Variants in RBFOX1 observed in about 807,000 individuals in gnomAD.
RBFOX1 encodes RNA binding fox-1 homolog 1.
In RBFOX1, 8 loss-of-function variants were observed where a neutral mutation model predicts 57.7. That is an observed-to-expected ratio of 0.14 (90% CI 0.08 to 0.25). The LOEUF is 0.25. Among genes scored for constraint, RBFOX1 ranks in the 10% least tolerant of loss-of-function variants. The pLI is 1.00. For missense variants in RBFOX1, 611 were observed against 548.5 expected (o/e 1.11, Z -1.14); for synonymous variants, 326 against 222.4 (o/e 1.47, Z -4.15).
chr16:7,478,832 GA>G (rs749357781), intron 4 of RBFOX1, among the ~76,000 whole-genome samples: 3 of 152,156 alleles, frequency 2.0e-5, no homozygotes, highest in Non-Finnish European at 4.4e-5. Flanking sequence ...TGAGGATGTA[GA>G]AAACCTCCTT....
At chr16:5,968,746 A>T (rs891124800) in intron 4 of RBFOX1, among the ~76,000 whole-genome samples, 10 of 152,070 alleles carry the variant, frequency 6.6e-5, no homozygotes, top group Non-Finnish European at 1.0e-4. Flanking sequence ...ATTTTTAAAA[A>T]TTTTTAATTT....
intron 3 of RBFOX1, among the ~76,000 whole-genome samples, chr16:5,629,787 C>G (rs1473900701): frequency 6.6e-6 from 1 of 152,200 alleles, no homozygotes; most frequent in Non-Finnish European, 1.5e-5. Flanking sequence ...CAGTTGGAAG[C>G]AACAGAGCCA....
At chr16:6,495,706 C>T (rs1598229450) in intron 2 of RBFOX1, among the ~76,000 whole-genome samples, 1 of 152,188 alleles carries the variant, frequency 6.6e-6, no homozygotes, top group African/African-American at 2.4e-5. Context: ...TTTCACAACC[C>T]TCCCTTGGTT....
In RBFOX1 at chr16:5,386,023, A is replaced by C. The variant is rs2066245818; in HGVS notation, c.220-81193A>C. ...ATGCCTCTTTTAAGCTTCTGCCAAC[A>C]CTTCACGTTGCCTAGGGAAGGGACT... On this transcript the variant is annotated intron_variant, in intron 1 of 2. Transcript: ENST00000585867. Among the ~76,000 whole-genome samples, 4 of 151,864 alleles carry C rather than the reference A, an allele frequency of 2.6e-5. No individual in the cohort carries two copies. The South Asian group carries it at 6.2e-4, about 24-fold the overall frequency.
At chr16:6,663,071 A>T (rs2098711278) in intron 3 of RBFOX1, among the ~76,000 whole-genome samples, 1 of 152,156 alleles carries the variant, frequency 6.6e-6, no homozygotes, top group African/African-American at 2.4e-5. Context: ...TGTGTGCAGG[A>T]GGGAACCAGA....
intron 3 of RBFOX1, among the ~76,000 whole-genome samples, chr16:5,766,116 T>C (rs1334136711): frequency 2.0e-5 from 3 of 152,208 alleles, no homozygotes; most frequent in African/African-American, 7.2e-5. Context: ...TTTTGAAACC[T>C]TCCAGCATTG....
intron 4 of RBFOX1, among the ~76,000 whole-genome samples, chr16:5,879,518 C>T (rs971273726): frequency 1.3e-5 from 2 of 152,160 alleles, no homozygotes; most frequent in East Asian, 1.9e-4. Context: ...TTCGTGGAGA[C>T]AGGGTTTCAC....
chr16:5,473,406 T>A (rs2069205531), intron 2 of RBFOX1, among the ~76,000 whole-genome samples: 1 of 152,088 alleles, frequency 6.6e-6, no homozygotes. Flanking sequence ...CCCTGTTTTT[T>A]TTTCTTTTTT....
intron 4 of RBFOX1, among the ~76,000 whole-genome samples, chr16:5,952,727 T>A (rs2059546335): frequency 1.3e-5 from 2 of 152,308 alleles, no homozygotes; most frequent in South Asian, 2.1e-4. Flanking sequence ...CGGATGGGCA[T>A]CTCTCTGGGG....
intron 4 of RBFOX1, among the ~76,000 whole-genome samples, chr16:5,895,062 C>T (rs1383724441): frequency 2.7e-5 from 4 of 150,864 alleles, no homozygotes; most frequent in South Asian, 4.1e-4. Flanking sequence ...GGGGGTATTA[C>T]ACAAGTACTG....
At chr16:7,099,273 G>T (rs2062236546) in intron 4 of RBFOX1, among the ~76,000 whole-genome samples, 2 of 152,284 alleles carry the variant, frequency 1.3e-5, no homozygotes, top group South Asian at 2.1e-4. Context: ...CACTCTAGCT[G>T]CAGTGGGAAA....
chr16:6,056,665 A>T (rs1333822383), intron 1 of RBFOX1, among the ~76,000 whole-genome samples: 2 of 152,010 alleles, frequency 1.3e-5, no homozygotes, highest in African/African-American at 4.8e-5. Flanking sequence ...CAATGAAGAT[A>T]CTCCTTTAGA....
intron 4 of RBFOX1, among the ~76,000 whole-genome samples, chr16:7,201,061 G>A (rs148655498): frequency 2.0e-5 from 3 of 152,194 alleles, no homozygotes; most frequent in Admixed American, 2.0e-4. Flanking sequence ...TATGAGATCA[G>A]TGTGGGAATC....
intron 4 of RBFOX1, among the ~76,000 whole-genome samples, chr16:7,449,536 G>T (rs930172284): frequency 6.6e-6 from 1 of 152,012 alleles, no homozygotes; most frequent in African/African-American, 2.4e-5. Context: ...GCCCTGTTTT[G>T]TAATTTTGCA....
chr16:6,870,525 G>C (rs1361490572), intron 3 of RBFOX1, among the ~76,000 whole-genome samples: 1 of 152,200 alleles, frequency 6.6e-6, no homozygotes, highest in Non-Finnish European at 1.5e-5. Flanking sequence ...ATAATTGCTA[G>C]TGGAACATAC....
chr16:5,687,891 C>G (rs532639846), intron 3 of RBFOX1, among the ~76,000 whole-genome samples: 1 of 152,170 alleles, frequency 6.6e-6, no homozygotes, highest in Non-Finnish European at 1.5e-5. Context: ...GCTTCATAAA[C>G]AAAGCAGACT....
At chr16:6,700,314 T>G (rs978750966) in intron 3 of RBFOX1, among the ~76,000 whole-genome samples, 1 of 151,244 alleles carries the variant, frequency 6.6e-6, no homozygotes, top group Admixed American at 6.6e-5. Context: ...ATAACATGCT[T>G]ACATAAATTT....
rs546360567 is a variant in RBFOX1 at position 7,694,956 on chromosome 16, T to C, written c.996-14100T>C. Among the ~76,000 whole-genome samples the C allele has an allele frequency of 5.3e-5, 8 of 152,256 alleles. No individual in the cohort carries two copies. In the South Asian group the frequency reaches 1.2e-3, roughly 24 times the overall value. ...ATATTTGGACATCTTAGATCAAACA[T>C]GAAAAAGATATTGATTTTGCCCCGT... On this transcript the variant is annotated intron_variant, in intron 14 of 15. Coordinates refer to ENST00000550418, the MANE Select transcript of RBFOX1 (RefSeq NM_018723.4).
intron 1 of RBFOX1, among the ~76,000 whole-genome samples, chr16:5,407,604 A>G (rs1246660466): frequency 1.3e-5 from 2 of 152,008 alleles, no homozygotes. Flanking sequence ...GCTGGAGTGC[A>G]GTGGCATGGT....
Sources: allele counts gnomAD v4.1 joint callset (sites outside exome capture counted in the v4.1 genomes callset), GRCh38; gene constraint gnomAD v4.1.1; transcripts MANE v1.5; gene names NCBI Gene and HGNC (gene_info 2026-07-23, HGNC 2026-07-21).